The following KSR1 variants were observed in gnomAD, a reference collection of about 807,000 sequenced individuals.
KSR1 encodes the protein kinase suppressor of ras.
In KSR1, 35 loss-of-function variants were observed where a neutral mutation model predicts 92.9. The observed-to-expected ratio is 0.38, with a 90% CI of 0.29 to 0.50. The LOEUF (loss-of-function observed/expected upper bound fraction) is 0.50. Among genes scored for constraint, KSR1 ranks in the 20% least tolerant of loss-of-function variants. KSR1 has a pLI of 0.94. For synonymous variants in KSR1, 467 were observed against 472.6 expected (o/e 0.99, Z 0.15); for missense variants, 972 against 1,158.5 (o/e 0.84, Z 2.34).
At chr17:27,573,925 G>C (rs1462261963) in intron 2 of KSR1, among the ~76,000 whole-genome samples, 1 of 152,210 alleles carries the variant, frequency 6.6e-6, no homozygotes, top group Non-Finnish European at 1.5e-5. Flanking sequence ...CTTGAAACTT[G>C]GTATGGGTGA....
At chr17:27,491,507 T>C (rs1249156846) in intron 1 of KSR1, among the ~76,000 whole-genome samples, 1 of 152,074 alleles carries the variant, frequency 6.6e-6, no homozygotes, top group African/African-American at 2.4e-5. Flanking sequence ...ACTCTAATGC[T>C]CATTACTTTA....
intron 1 of KSR1, among the ~76,000 whole-genome samples, chr17:27,481,172 T>C (rs1239792182): frequency 6.6e-6 from 1 of 152,224 alleles, no homozygotes; most frequent in African/African-American, 2.4e-5. Flanking sequence ...AGTTTTTTTT[T>C]CTTAAAATAG....
Position 27,582,722 on chromosome 17 carries a change from C to T in KSR1, c.597C>T (p.Asp199=). 1 of 1,613,880 alleles carries T rather than the reference C, an allele frequency of 6.2e-7. No homozygotes were observed. Among genetic ancestry groups the T allele is most frequent in the Non-Finnish European group, 8.5e-7 (1 of 1,179,836 alleles). The change falls in exon 4 of 21, where the codon GAC becomes GAT. Residue 199 remains aspartate, a synonymous_variant. Transcript: ENST00000644974. ...RRESGSGPST[D]TLSAASLPWP... The stretch of plus-strand genomic sequence containing the variant: ...AAAGTGGCTCAGGGCCTTCCACGGA[C>T]ACCCTCTCAGCAGCCAGCCTGCCCT...
At chr17:27,527,171 T>A (rs1199452906) in intron 1 of KSR1, 3 of 262,474 alleles carry the variant, frequency 1.1e-5, no homozygotes. Flanking sequence ...CAGGGTACTC[T>A]TTTCTAGTTC....
At chr17:27,558,225 T>C (rs2071680961) in intron 2 of KSR1, 1 of 152,074 alleles carries the variant, frequency 6.6e-6, no homozygotes, top group African/African-American at 2.4e-5. Context: ...TCACGCATTT[T>C]ACAGTCACTT....
chr17:27,623,165 G>A, intron 20 of KSR1, 149 bp from the exon 21 acceptor site: 1 of 674,588 alleles, frequency 1.5e-6, no homozygotes, highest in Non-Finnish European at 2.7e-6. Context: ...ATGACCAGGG[G>A]CAGCTCTGCC....
At chr17:27,561,406 C>G (rs2071822656) in intron 2 of KSR1, among the ~76,000 whole-genome samples, 1 of 152,184 alleles carries the variant, frequency 6.6e-6, no homozygotes, top group African/African-American at 2.4e-5. Context: ...TTACCTTTTA[C>G]CTGGTACCTT....
rs1242853529 is a variant in KSR1 at position 27,592,631 on chromosome 17, G to A, written c.1299+5G>A. 5.6e-6 allele frequency: 9 copies of A among 1,610,232 alleles called. No individual in the cohort carries two copies. The highest frequency in any genetic ancestry group is 1.7e-4 in the Middle Eastern group (1 of 5,836). Reference sequence around the variant, plus strand: ...CCCAAAGCACTGACAAAGAAGGTACGCTGGGTAATGCTGGGGAGGACGCCC... The same window carrying A: ...CCCAAAGCACTGACAAAGAAGGTACACTGGGTAATGCTGGGGAGGACGCCC... On this transcript the variant is annotated splice_donor_5th_base_variant and intron_variant, in intron 9 of 20. Coordinates refer to ENST00000644974, the MANE Select transcript of KSR1 (RefSeq NM_001394583.1).
intron 1 of KSR1, among the ~76,000 whole-genome samples, chr17:27,507,593 T>G (rs1318396758): frequency 1.2e-5 from 1 of 82,146 alleles, no homozygotes. Context: ...TTTTTTTTTT[T>G]GAGACAGAAT....
chr17:27,465,903 G>A (rs1189981117), intron 1 of KSR1, among the ~76,000 whole-genome samples: 1 of 152,014 alleles, frequency 6.6e-6, no homozygotes, highest in African/African-American at 2.4e-5. Flanking sequence ...CTCATTAGGA[G>A]CTATCTGGAG....
chr17:27,533,828 C>T (rs1316868434), intron 1 of KSR1, among the ~76,000 whole-genome samples: 1 of 152,210 alleles, frequency 6.6e-6, no homozygotes, highest in African/African-American at 2.4e-5. Flanking sequence ...AGTTAGCTGT[C>T]ATTGTCTAAT....
At chr17:27,508,961 C>T (rs1335797959) in intron 1 of KSR1, among the ~76,000 whole-genome samples, 1 of 151,872 alleles carries the variant, frequency 6.6e-6, no homozygotes, top group African/African-American at 2.4e-5. Flanking sequence ...AAACTCTTGA[C>T]CTCAGGTGAT....
chr17:27,471,171 A>C (rs944116617), intron 1 of KSR1, among the ~76,000 whole-genome samples: 9 of 152,170 alleles, frequency 5.9e-5, no homozygotes, highest in African/African-American at 2.2e-4. Flanking sequence ...GGCCCACTCC[A>C]GTGACGATTT....
In KSR1 at chr17:27,615,839, G is replaced by A. The variant is rs1433854189; in HGVS notation, c.2494-1456G>A. Among the ~76,000 whole-genome samples the A allele has an allele frequency of 2.6e-5, 4 of 152,298 alleles. No individual in the cohort carries two copies. The East Asian group carries it at 5.8e-4, about 22-fold the overall frequency. On this transcript the variant is annotated intron_variant, in intron 18 of 20. Transcript: ENST00000644974. ...GGAGATAATCTTTGAATCCTTGCAT[G>A]CCTAAAATAGTTATTATTTCATCCT... is the stretch of plus-strand genomic sequence containing the variant.
intron 1 of KSR1, chr17:27,526,910 T>G: frequency 1.6e-6 from 1 of 630,060 alleles, no homozygotes; most frequent in African/African-American, 1.8e-5. Context: ...TCCCTAGGAC[T>G]TGGTTACTCA....
rs2074281946 is a variant in KSR1 at position 27,623,564 on chromosome 17, C to T, written c.*172C>T. 2 of 647,114 alleles carry T rather than the reference C, an allele frequency of 3.1e-6. No individual in the cohort carries two copies. The highest frequency in any genetic ancestry group is 1.8e-5 in the African/African-American group (1 of 54,278). 40.1% of individuals were successfully genotyped at this position (647,114 alleles called of 1,614,324 possible). A position where few individuals can be genotyped will look rare whatever the true frequency, so the allele number is the denominator to read the frequency against. Reference sequence around the variant, plus strand: ...ACCCCACTCGGGAGATGGAGCTGCACCTGCTATTTCTTAAAATGACACCAC... The same window carrying T: ...ACCCCACTCGGGAGATGGAGCTGCATCTGCTATTTCTTAAAATGACACCAC... On this transcript the variant is annotated 3_prime_UTR_variant, in exon 21 of 21. Coordinates refer to ENST00000644974, the MANE Select transcript of KSR1 (RefSeq NM_001394583.1).
At chr17:27,568,044 A>G (rs1043779118) in intron 2 of KSR1, among the ~76,000 whole-genome samples, 3 of 152,196 alleles carry the variant, frequency 2.0e-5, no homozygotes, top group Non-Finnish European at 2.9e-5. Context: ...CCATCTGCTC[A>G]GGGTCTCTGT....
chr17:27,609,445 C>T, intron 16 of KSR1, 116 bp downstream of exon 16: 1 of 1,384,848 alleles, frequency 7.2e-7, no homozygotes, highest in Non-Finnish European at 1.0e-6. Flanking sequence ...TGCAGGGAAG[C>T]CCAGGTCGCT....
chr17:27,471,874 A>G (rs1567741502), intron 1 of KSR1: 1 of 152,294 alleles, frequency 6.6e-6, no homozygotes, highest in Non-Finnish European at 1.5e-5. Context: ...TCATCTCTGT[A>G]CTGAGGTGTG....
Sources: allele counts gnomAD v4.1 joint callset (sites outside exome capture counted in the v4.1 genomes callset), GRCh38; gene constraint gnomAD v4.1.1; transcripts MANE v1.5; gene names NCBI Gene and HGNC (gene_info 2026-07-23, HGNC 2026-07-21).